The following AGAP6 variants were observed in gnomAD, a reference collection of about 807,000 sequenced individuals.
The protein encoded by AGAP6 is arf-GAP with GTPase, ANK repeat and PH domain-containing protein 6.
In AGAP6, 29 loss-of-function variants were observed where a neutral mutation model predicts 63.9. The observed-to-expected ratio is 0.45, with a 90% CI of 0.34 to 0.62. The LOEUF (loss-of-function observed/expected upper bound fraction) is 0.62, where lower values mean the gene tolerates loss of function less well. Ranked by LOEUF, AGAP6 falls within the 20% of genes least tolerant of loss-of-function variation. The pLI is 0.01. For missense variants in AGAP6, 493 were observed against 884.9 expected, an observed-to-expected ratio of 0.56 and a Z score of 5.62; for synonymous variants, 199 against 332.9, an observed-to-expected ratio of 0.60 and a Z score of 4.38.
rs544067964 is a variant in AGAP6, at chr10:49,988,783, C to G, written c.68C>G (p.Ser23Trp). ...CTCGAGTTTGACCAGCAGCAGGGGT[C>G]GGTGTGTCCCTCTGAATCTGAGACC... The part of the protein sequence containing the change: ...VSLEFDQQQG[S>W]VCPSESETYE... The change falls in exon 1 of 8, where the codon TCG becomes TGG. Residue 23 changes from serine (S) to tryptophan (W), a missense_variant. This residue lies in a region of AGAP6 where 342 missense variants were observed against 533.4 expected (regional missense o/e 0.64). Coordinates refer to ENST00000412531, the MANE Select transcript of AGAP6 (RefSeq NM_001077665.3). 25 of 1,596,784 alleles carry G rather than the reference C, an allele frequency of 1.6e-5. No individual in the cohort carries two copies. Among genetic ancestry groups the G allele is most frequent in the Admixed American group, 5.0e-5 (3 of 59,954 alleles).
At chr10:49,996,077 G>C (rs1841475162) in intron 4 of AGAP6, among the ~76,000 whole-genome samples, 2 of 151,920 alleles carry the variant, frequency 1.3e-5, no homozygotes, top group Non-Finnish European at 2.9e-5. Flanking sequence ...TGATAGTCTT[G>C]TTATTCAGAT....
At chr10:49,991,614 C>G (rs1380396036) in intron 2 of AGAP6, 62 bp from the exon 3 acceptor site, 2 of 1,588,672 alleles carry the variant, frequency 1.3e-6, no homozygotes, top group African/African-American at 2.7e-5. Context: ...GTCGAATAAA[C>G]GAGTTGATAA....
intron 2 of AGAP6, among the ~76,000 whole-genome samples, chr10:49,990,073 G>A (rs1199787305): frequency 1.3e-5 from 2 of 152,186 alleles, no homozygotes; most frequent in Non-Finnish European, 2.9e-5. Flanking sequence ...TTCCCTGTAA[G>A]AGTGTTTGTT....
chr10:49,991,175 G>A (rs1413208292), intron 2 of AGAP6, among the ~76,000 whole-genome samples: 2 of 151,976 alleles, frequency 1.3e-5, no homozygotes, highest in South Asian at 2.1e-4. Context: ...ATGGAAGACA[G>A]CTACTCAAGA....
In AGAP6 at chr10:49,994,439, C is replaced by A; in HGVS notation, c.396+10C>A. ...CAACTGTACAAACCATGTAAGTAAACACTCAAATACTTAAGAAATTGATAG... is the reference window on the plus strand; with the variant it reads ...CAACTGTACAAACCATGTAAGTAAAAACTCAAATACTTAAGAAATTGATAG... On this transcript the variant is annotated intron_variant, in intron 4 of 7. Transcript: ENST00000412531. 2 of 1,519,322 alleles carry A rather than the reference C, an allele frequency of 1.3e-6. No individual in the cohort carries two copies. Among genetic ancestry groups the A allele is most frequent in the South Asian group, 2.3e-5 (2 of 88,108 alleles). 94.1% of individuals were successfully genotyped at this position (1,519,322 alleles called of 1,614,324 possible). A position where few individuals can be genotyped will look rare whatever the true frequency, so the allele number is the denominator to read the frequency against.
chr10:50,004,270 C>A (rs531074808), intron 5 of AGAP6, among the ~76,000 whole-genome samples: 3 of 147,370 alleles, frequency 2.0e-5, no homozygotes, highest in Non-Finnish European at 1.5e-5. Flanking sequence ...GCATGAGAAT[C>A]GCTTGAACCT....
At chr10:49,997,658 TG>T (rs1564709923) in intron 4 of AGAP6, among the ~76,000 whole-genome samples, 1 of 152,146 alleles carries the variant, frequency 6.6e-6, no homozygotes, top group Non-Finnish European at 1.5e-5. Context: ...CATAGGTTTC[TG>T]GGGGAACAGG....
intron 6 of AGAP6, among the ~76,000 whole-genome samples, chr10:50,006,161 A>G (rs1442736734): frequency 7.9e-5 from 12 of 152,274 alleles, no homozygotes; most frequent in Admixed American, 5.9e-4. Flanking sequence ...ACTTGTATTT[A>G]TAATATCATG....
At chr10:50,004,317 C>A (rs1362561865) in intron 5 of AGAP6, among the ~76,000 whole-genome samples, 38 of 151,100 alleles carry the variant, frequency 2.5e-4, no homozygotes, top group African/African-American at 6.8e-4. Flanking sequence ...GATGGCACCA[C>A]TGCAGTCCAG....
intron 4 of AGAP6, among the ~76,000 whole-genome samples, chr10:49,997,686 GC>G (rs1554862242): frequency 6.6e-6 from 1 of 151,942 alleles, no homozygotes; most frequent in Non-Finnish European, 1.5e-5. Flanking sequence ...TTGGTGACAT[GC>G]CTAAGTTCTT....
chr10:49,993,008 C>T (rs1469087654), intron 3 of AGAP6, among the ~76,000 whole-genome samples: 6 of 152,132 alleles, frequency 3.9e-5, no homozygotes, highest in Admixed American at 6.5e-5. Flanking sequence ...GTGATCTACC[C>T]GCTTCAGCCT....
chr10:50,000,020 C>G lies in AGAP6; in HGVS notation c.397-1976C>G, dbSNP rs1234877094. 9.2e-5 allele frequency among the ~76,000 whole-genome samples: 12 copies of G among 130,330 alleles called. 2 individuals are homozygous for G. The highest frequency in any genetic ancestry group is 1.6e-5 in the Non-Finnish European group (1 of 63,272). 85.5% of individuals were successfully genotyped at this position (130,330 alleles called of 152,430 possible). Reference sequence around the variant, plus strand: ...CAGAAGAAGTCAGTGCGTGGGCATCCGCATCCAATGGGTACTGCACCTTTG... The same window carrying G: ...CAGAAGAAGTCAGTGCGTGGGCATCGGCATCCAATGGGTACTGCACCTTTG... On this transcript the variant is annotated intron_variant, in intron 4 of 7. Transcript: ENST00000412531.
At chr10:50,007,070 A>C (rs1841937130) in intron 6 of AGAP6, among the ~76,000 whole-genome samples, 1 of 151,694 alleles carries the variant, frequency 6.6e-6, no homozygotes, top group Non-Finnish European at 1.5e-5. Flanking sequence ...ATTTTTCATC[A>C]GCTTTCTCAG....
At chr10:49,996,963 A>G (rs1348983029) in intron 4 of AGAP6, among the ~76,000 whole-genome samples, 7 of 145,670 alleles carry the variant, frequency 4.8e-5, no homozygotes, top group Admixed American at 2.1e-4. Flanking sequence ...TGTGCTGGTC[A>G]TGGGTGTAAC....
intron 4 of AGAP6, among the ~76,000 whole-genome samples, chr10:49,997,875 C>T (rs1356243336): frequency 1.4e-5 from 2 of 143,902 alleles, no homozygotes; most frequent in Non-Finnish European, 3.0e-5. Context: ...TGAAAGAGAA[C>T]ATGATATTTG....
In AGAP6 at chr10:50,001,872, C is replaced by T; in HGVS notation, c.397-124C>T. The T allele has an allele frequency of 1.1e-5, 10 of 918,914 alleles. No individual in the cohort carries two copies. In the South Asian group the frequency reaches 1.3e-4, roughly 12 times the overall value. 56.9% of individuals were successfully genotyped at this position (918,914 alleles called of 1,614,324 possible). A position where few individuals can be genotyped will look rare whatever the true frequency, so the allele number is the denominator to read the frequency against. On this transcript the variant is annotated intron_variant, in intron 4 of 7. Coordinates refer to ENST00000412531, the MANE Select transcript of AGAP6 (RefSeq NM_001077665.3). ...TCCAATGGGTTTTCTATAGAGTGCA[C>T]ATGATACCACACTCAGGCAGTTCAT...
chr10:49,994,961 C>CA (rs536082046), intron 4 of AGAP6, among the ~76,000 whole-genome samples: 1,192 of 62,762 alleles, frequency 0.019, 29 homozygotes, highest in African/African-American at 0.043. Context: ...AACTCTGTCT[C>CA]AAAAAAAAAA....
At chr10:50,005,833 T>C (rs1311780559) in intron 6 of AGAP6, among the ~76,000 whole-genome samples, 58 of 143,518 alleles carry the variant, frequency 4.0e-4, no homozygotes, top group Non-Finnish European at 1.7e-4. Context: ...GGCAGGAGAA[T>C]CGCTTGAGCC....
chr10:50,004,289 G>A (rs1841822246), intron 5 of AGAP6, among the ~76,000 whole-genome samples: 1 of 150,860 alleles, frequency 6.6e-6, no homozygotes, highest in Non-Finnish European at 1.5e-5. Context: ...CTGGGTGGTG[G>A]AGGTTGTGAG....
Sources: gnomAD v4.1 joint callset for allele counts (sites outside exome capture counted in the v4.1 genomes callset) on GRCh38, gnomAD v4.1.1 for gene constraint, gnomAD v4.1.1 regional missense constraint, MANE v1.5 for transcripts, NCBI Gene and HGNC (gene_info 2026-07-23, HGNC 2026-07-21) for gene names.